Variants in SMUG1 observed in about 807,000 individuals in gnomAD.
The protein encoded by SMUG1 is single-strand selective monofunctional uracil DNA glycosylase.
Under a neutral mutation model 23.9 loss-of-function variants are expected in SMUG1, and 13 were observed. The ratio of observed to expected loss-of-function variants is 0.54; its 90% CI spans 0.35 to 0.86. The LOEUF (loss-of-function observed/expected upper bound fraction) is 0.86, where lower values mean the gene tolerates loss of function less well. SMUG1 is among the 40% of genes least tolerant of loss of function. The pLI, the probability that SMUG1 is intolerant of heterozygous loss-of-function variation, is 0.01. For missense variants in SMUG1, 313 were observed against 339.5 expected (o/e 0.92, Z 0.61); for synonymous variants, 133 against 139.8 (o/e 0.95, Z 0.34).
intron 2 of SMUG1, chr12:54,184,166 G>C: frequency 2.3e-6 from 1 of 438,342 alleles, no homozygotes; most frequent in Non-Finnish European, 4.0e-6. Context: ...TCCATTATCT[G>C]TCCTCTTCAC....
At chr12:54,174,519 T>C (rs1257578711) in intron 2 of SMUG1, among the ~76,000 whole-genome samples, 1 of 152,214 alleles carries the variant, frequency 6.6e-6, no homozygotes, top group East Asian at 1.9e-4. Flanking sequence ...AGACCCTTTT[T>C]TGCTGCCTGA....
chr12:54,183,512 G>T (rs757014181), intron 3 of SMUG1, 144 bp downstream of exon 3: 1 of 777,986 alleles, frequency 1.3e-6, no homozygotes. Flanking sequence ...GACCACAGGA[G>T]CCAGTATATG....
At chr12:54,171,418 G>A (rs528254590) in intron 3 of SMUG1, among the ~76,000 whole-genome samples, 14 of 150,872 alleles carry the variant, frequency 9.3e-5, no homozygotes, top group East Asian at 2.0e-4. Context: ...GTGGTCGGGC[G>A]CGGTGGCTCA....
downstream of SMUG1, chr12:54,162,316 T>C (rs1214040300): frequency 1.3e-5 from 2 of 152,234 alleles, no homozygotes; most frequent in Non-Finnish European, 2.9e-5. Context: ...AAGTCTCACT[T>C]TTAGGGAGTA....
At position 54,181,828 on chromosome 12, in the gene SMUG1, CCTT is replaced by C. The variant is rs1941135881; in HGVS notation, c.*265_*267del. Reference sequence around the variant, plus strand: ...AGCAGTCTGCAAGTGCAAAAGCACACCTTCTGCAGATTCCCTACAAAGTGGGGT... The same window carrying C: ...AGCAGTCTGCAAGTGCAAAAGCACACCTGCAGATTCCCTACAAAGTGGGGT... On this transcript the variant is annotated 3_prime_UTR_variant, in exon 4 of 4. Coordinates refer to ENST00000682136, the MANE Select transcript of SMUG1 (RefSeq NM_001243787.2). The C allele has an allele frequency of 1.4e-6, 2 of 1,422,844 alleles. No individual in the cohort carries two copies. Among genetic ancestry groups the C allele is most frequent in the African/African-American group, 2.9e-5 (2 of 69,694 alleles). 88.1% of individuals were successfully genotyped at this position (1,422,844 alleles called of 1,614,324 possible).
chr12:54,181,564 A>T lies in SMUG1; in HGVS notation c.*532T>A. 1 of 1,552,818 alleles carries T rather than the reference A, an allele frequency of 6.4e-7. No homozygotes were observed. The highest frequency in any genetic ancestry group is 1.2e-5 in the South Asian group (1 of 85,092). ...CAGGTCTTCTGACTTGCACTCTGTCACACTGGATTTTTCCTCTGATCCAGC... is the reference window on the plus strand; with the variant it reads ...CAGGTCTTCTGACTTGCACTCTGTCTCACTGGATTTTTCCTCTGATCCAGC... On this transcript the variant is annotated 3_prime_UTR_variant, in exon 4 of 4. Coordinates refer to ENST00000682136, the MANE Select transcript of SMUG1 (RefSeq NM_001243787.2).
In SMUG1 at chr12:54,182,078, G is replaced by C. The variant is rs770913951; in HGVS notation, c.*18C>G. The stretch of plus-strand genomic sequence containing the variant: ...CTTCGAGGTCTTGAATGTGTCCCAT[G>C]CAAGGCCCCAAGGGCACTCATTTCA... On this transcript the variant is annotated 3_prime_UTR_variant, in exon 4 of 4. Coordinates refer to ENST00000682136, the MANE Select transcript of SMUG1 (RefSeq NM_001243787.2). The C allele has an allele frequency of 5.3e-6, 8 of 1,522,392 alleles. No individual in the cohort carries two copies. The highest frequency in any genetic ancestry group is 7.0e-6 in the Non-Finnish European group (8 of 1,136,224). 94.3% of individuals were successfully genotyped at this position (1,522,392 alleles called of 1,614,324 possible). A position where few individuals can be genotyped will look rare whatever the true frequency, so the allele number is the denominator to read the frequency against.
downstream of SMUG1, among the ~76,000 whole-genome samples, chr12:54,164,241 A>AG (rs1940366257): frequency 6.6e-6 from 1 of 150,656 alleles, no homozygotes. Context: ...ATGGCAGAGA[A>AG]GGGGGGCACA....
chr12:54,160,282 C>A (rs976031633), downstream of SMUG1, among the ~76,000 whole-genome samples: 3 of 152,230 alleles, frequency 2.0e-5, no homozygotes, highest in Admixed American at 6.5e-5. Flanking sequence ...CAGAGCTAAT[C>A]GCTGCTGCTG....
downstream of SMUG1, among the ~76,000 whole-genome samples, chr12:54,160,074 A>C (rs1434540571): frequency 6.6e-6 from 1 of 152,040 alleles, no homozygotes; most frequent in Non-Finnish European, 1.5e-5. Context: ...CCTGAAACTC[A>C]CCTGTGCCTG....
In SMUG1 at chr12:54,181,715, T is replaced by C. The variant is rs1329992750; in HGVS notation, c.*381A>G. Reference sequence around the variant, plus strand: ...ATGGGTAGGTATCCTGGCAAGATATTTCCTCTGAAATAGTAAACGTGACCT... The same window carrying C: ...ATGGGTAGGTATCCTGGCAAGATATCTCCTCTGAAATAGTAAACGTGACCT... On this transcript the variant is annotated 3_prime_UTR_variant, in exon 4 of 4. Transcript: ENST00000682136. The C allele has an allele frequency of 5.8e-6, 9 of 1,543,952 alleles. No individual in the cohort carries two copies. In the East Asian group the frequency reaches 2.1e-4, roughly 36 times the overall value.
downstream of SMUG1, among the ~76,000 whole-genome samples, chr12:54,164,165 G>A (rs576159868): frequency 8.5e-5 from 13 of 152,152 alleles, no homozygotes; most frequent in South Asian, 1.9e-3. Flanking sequence ...TAAAGGGGAT[G>A]CCACAGAGAT....
At chr12:54,169,109 T>C (rs1940554340) in intron 3 of SMUG1, among the ~76,000 whole-genome samples, 1 of 151,876 alleles carries the variant, frequency 6.6e-6, no homozygotes, top group African/African-American at 2.4e-5. Flanking sequence ...AGGTCACATC[T>C]GGGGGGAAAT....
At chr12:54,160,244 G>A (rs986329461), downstream of SMUG1, among the ~76,000 whole-genome samples, 7 of 152,242 alleles carry the variant, frequency 4.6e-5, no homozygotes, top group African/African-American at 1.7e-4. Context: ...ATATGCAAAT[G>A]CCCTCATTAG....
rs929950809 is a variant in SMUG1 at position 54,181,777 on chromosome 12, A to G, written c.*319T>C. On this transcript the variant is annotated 3_prime_UTR_variant, in exon 4 of 4. Transcript: ENST00000682136. Reference sequence around the variant, plus strand: ...GTCTAGGGCACTCTCAGCTGAATAAAGTCTCCCAAGGAAACACTGAGGTAG... The same window carrying G: ...GTCTAGGGCACTCTCAGCTGAATAAGGTCTCCCAAGGAAACACTGAGGTAG... 8 of 1,443,110 alleles carry G rather than the reference A, an allele frequency of 5.5e-6. No individual in the cohort carries two copies. In the African/African-American group the frequency reaches 8.6e-5, roughly 15 times the overall value. 89.4% of individuals were successfully genotyped at this position (1,443,110 alleles called of 1,614,324 possible).
At chr12:54,186,499 A>G (rs3136377) in intron 2 of SMUG1, among the ~76,000 whole-genome samples, 88,550 of 151,508 alleles carry the variant, frequency 0.58, 26,017 homozygotes, top group Middle Eastern at 0.61. Flanking sequence ...GCAGCACCAC[A>G]CCCGGCTAAT....
chr12:54,161,760 AG>A (rs1211111780), downstream of SMUG1, among the ~76,000 whole-genome samples: 1 of 152,036 alleles, frequency 6.6e-6, no homozygotes, highest in African/African-American at 2.4e-5. This position sits in a 1 kb window ranked among gnomAD's most constrained non-coding sequence, Gnocchi z 4.2. Context: ...GGGCCTCAGG[AG>A]GGACCCTGAT....
downstream of SMUG1, among the ~76,000 whole-genome samples, chr12:54,180,032 CAT>C (rs3136399): frequency 0.061 from 9,345 of 152,208 alleles, 357 homozygotes; most frequent in East Asian, 0.19. Flanking sequence ...AGAGTTTTAC[CAT>C]AGATATAATT....
downstream of SMUG1, among the ~76,000 whole-genome samples, chr12:54,176,372 TGTG>T (rs1940748946): frequency 6.8e-6 from 1 of 146,168 alleles, no homozygotes; most frequent in Non-Finnish European, 1.5e-5. Flanking sequence ...ATTAGCCAGG[TGTG>T]GTGGTGCATG....
Sources: gnomAD v4.1 joint callset for allele counts (sites outside exome capture counted in the v4.1 genomes callset) on GRCh38, gnomAD v4.1.1 for gene constraint, Gnocchi (gnomAD v3.1) non-coding constraint, MANE v1.5 for transcripts, NCBI Gene and HGNC (gene_info 2026-07-23, HGNC 2026-07-21) for gene names.